Variants in PTPRD observed in about 807,000 individuals in gnomAD.
The protein encoded by PTPRD is protein tyrosine phosphatase receptor type D, also known as receptor-type tyrosine-protein phosphatase delta.
PTPRD carries 34 observed loss-of-function variants against 214.5 expected under a neutral mutation model. The ratio of observed to expected loss-of-function variants is 0.16; its 90% CI spans 0.12 to 0.21. The LOEUF (loss-of-function observed/expected upper bound fraction) is 0.21, where lower values mean the gene tolerates loss of function less well. PTPRD is among the 10% of genes least tolerant of loss of function. The pLI is 1.00. For missense variants in PTPRD, 2,545 were observed against 2,398.7 expected, an observed-to-expected ratio of 1.06 and a Z score of -1.27; for synonymous variants, 1,128 against 845.7, an observed-to-expected ratio of 1.33 and a Z score of -5.79.
chr9:10,465,327 C>T lies in PTPRD; in HGVS notation c.-599-124310G>A, dbSNP rs139658897. On this transcript the variant is annotated intron_variant, in intron 2 of 45. Coordinates refer to ENST00000381196, the MANE Select transcript of PTPRD (RefSeq NM_002839.4). ...AAAGTTCTTTTAGATAACTCCCCTG[C>T]GCAAAAAAGGAGGTGTTCATAACAT... 1.5e-3 allele frequency among the ~76,000 whole-genome samples: 234 copies of T among 151,976 alleles called. 1 individual carries two copies. The highest frequency in any genetic ancestry group is 5.3e-3 in the African/African-American group (218 of 41,478).
chr9:9,610,983 C>T (rs2094482285), intron 7 of PTPRD, among the ~76,000 whole-genome samples: 1 of 152,146 alleles, frequency 6.6e-6, no homozygotes, highest in Non-Finnish European at 1.5e-5. Context: ...AGGCACTCAA[C>T]ACATTGATTG....
At chr9:9,582,572 G>A (rs1207960230) in intron 7 of PTPRD, among the ~76,000 whole-genome samples, 6 of 152,076 alleles carry the variant, frequency 3.9e-5, no homozygotes, top group Middle Eastern at 3.2e-3. Context: ...AGAATAAAAC[G>A]TGGGAGGAAT....
chr9:9,472,865 C>T (rs2094722306), intron 8 of PTPRD, among the ~76,000 whole-genome samples: 1 of 152,124 alleles, frequency 6.6e-6, no homozygotes, highest in Non-Finnish European at 1.5e-5. Context: ...ATTAATTGCA[C>T]AGATTTAAGG....
At chr9:9,200,879 G>T (rs1337896345) in intron 9 of PTPRD, among the ~76,000 whole-genome samples, 1 of 152,128 alleles carries the variant, frequency 6.6e-6, no homozygotes, top group Non-Finnish European at 1.5e-5. Context: ...TCCCCATGTG[G>T]TTTTCCTCTC....
intron 5 of PTPRD, chr9:9,800,697 T>C (rs1030266863): frequency 6.6e-6 from 1 of 152,208 alleles, no homozygotes; most frequent in Non-Finnish European, 1.5e-5. Context: ...TAAATGTATT[T>C]TGACTGATTG....
intron 5 of PTPRD, among the ~76,000 whole-genome samples, chr9:9,840,589 G>C (rs2153634415): frequency 6.6e-6 from 1 of 151,674 alleles, no homozygotes; most frequent in Admixed American, 6.6e-5. Context: ...ACAAAATAGT[G>C]AATCGGAAAG....
intron 5 of PTPRD, among the ~76,000 whole-genome samples, chr9:9,767,403 T>C (rs2098715779): frequency 6.6e-6 from 1 of 152,074 alleles, no homozygotes; most frequent in South Asian, 2.1e-4. Flanking sequence ...GATTTAAATA[T>C]GTTCTAATGA....
At chr9:9,747,789 G>A (rs1390971001) in intron 6 of PTPRD, among the ~76,000 whole-genome samples, 1 of 152,040 alleles carries the variant, frequency 6.6e-6, no homozygotes, top group Non-Finnish European at 1.5e-5. Context: ...CTGACCTCAG[G>A]TGATCTACCT....
At chr9:9,639,172 G>C (rs2095860513) in intron 7 of PTPRD, among the ~76,000 whole-genome samples, 2 of 152,122 alleles carry the variant, frequency 1.3e-5, no homozygotes, top group African/African-American at 4.8e-5. Flanking sequence ...GGGTCTGCAA[G>C]CAACAGCAGC....
At chr9:9,443,461 G>A (rs1201162265) in intron 8 of PTPRD, among the ~76,000 whole-genome samples, 3 of 152,168 alleles carry the variant, frequency 2.0e-5, no homozygotes, top group Admixed American at 1.3e-4. Flanking sequence ...AATCCAGAGT[G>A]GCCTGTAATG....
chr9:8,769,499 T>C (rs532922116), intron 11 of PTPRD, among the ~76,000 whole-genome samples: 8 of 152,188 alleles, frequency 5.3e-5, no homozygotes. Context: ...ACAAAGGCAT[T>C]TGTAGTTGTG....
rs1216633960 is a variant in PTPRD at position 9,168,249 on chromosome 9, T to C, written c.-143+15055A>G. Reference sequence around the variant, plus strand: ...TACAGTAAAAGGTTACTTACCCTTCTTCTAGACAGTTTAGATTGACATAAA... The same window carrying C: ...TACAGTAAAAGGTTACTTACCCTTCCTCTAGACAGTTTAGATTGACATAAA... On this transcript the variant is annotated intron_variant, in intron 10 of 45. Transcript: ENST00000381196. Among the ~76,000 whole-genome samples, 7 of 152,216 alleles carry C rather than the reference T, an allele frequency of 4.6e-5. No homozygotes were observed. In the East Asian group the frequency reaches 1.3e-3, roughly 29 times the overall value.
intron 9 of PTPRD, among the ~76,000 whole-genome samples, chr9:9,298,352 T>C (rs1294739820): frequency 6.6e-6 from 1 of 151,740 alleles, no homozygotes; most frequent in African/African-American, 2.4e-5. Context: ...GGAATGCTTA[T>C]TTCTGATTCT....
At position 8,315,619 on chromosome 9, in the gene PTPRD, C is replaced by G. The variant is rs1200927764; in HGVS notation, c.*2255G>C. ...TCATTCTGAGGTAGCCTTCTAGATA[C>G]TTTTTTTTAGTATTATATATATTTT... On this transcript the variant is annotated 3_prime_UTR_variant, in exon 46 of 46. Coordinates refer to ENST00000381196, the MANE Select transcript of PTPRD (RefSeq NM_002839.4). The G allele has an allele frequency of 4.4e-6, 1 of 228,080 alleles. No homozygotes were observed. Among genetic ancestry groups the G allele is most frequent in the Non-Finnish European group, 8.7e-6 (1 of 114,804 alleles). The allele number at this position is 228,080 out of a possible 1,614,324, so 14.1% of individuals were successfully genotyped here.
chr9:10,248,221 A>C (rs2154367344), intron 3 of PTPRD, among the ~76,000 whole-genome samples: 1 of 152,198 alleles, frequency 6.6e-6, no homozygotes, highest in Middle Eastern at 3.4e-3. Context: ...GGCAAGCAGT[A>C]AGGGTTAAAG....
At chr9:9,338,793 T>C (rs138309242) in intron 9 of PTPRD, among the ~76,000 whole-genome samples, 1 of 152,136 alleles carries the variant, frequency 6.6e-6, no homozygotes, top group African/African-American at 2.4e-5. Flanking sequence ...GCTGCAACCA[T>C]CAACCCATCA....
In PTPRD at chr9:9,117,801, T is replaced by C. The variant is rs56265652; in HGVS notation, c.-143+65503A>G. 5.6e-3 allele frequency among the ~76,000 whole-genome samples: 847 copies of C among 152,066 alleles called. 4 individuals carry two copies. Among genetic ancestry groups the C allele is most frequent in the African/African-American group, 0.01 (432 of 41,508 alleles). On this transcript the variant is annotated intron_variant, in intron 10 of 45. Coordinates refer to ENST00000381196, the MANE Select transcript of PTPRD (RefSeq NM_002839.4). Reference sequence around the variant, plus strand: ...TCATGGGTGGTATTTTTGGAAACAATGAACCTGTCATTTGTCCCATTGCTT... The same window carrying C: ...TCATGGGTGGTATTTTTGGAAACAACGAACCTGTCATTTGTCCCATTGCTT...
At chr9:9,192,623 T>C (rs564544556) in intron 9 of PTPRD, among the ~76,000 whole-genome samples, 14 of 152,192 alleles carry the variant, frequency 9.2e-5, no homozygotes, top group African/African-American at 2.9e-4. Flanking sequence ...ATAAAACAAA[T>C]AGAGAGTCCA....
intron 14 of PTPRD, among the ~76,000 whole-genome samples, chr9:8,533,896 T>C (rs964961261): frequency 1.3e-5 from 2 of 152,026 alleles, no homozygotes; most frequent in African/African-American, 4.8e-5. Context: ...CATTCCTCAA[T>C]GCCACTCACT....
Sources: gnomAD v4.1 joint callset for allele counts (sites outside exome capture counted in the v4.1 genomes callset) on GRCh38, gnomAD v4.1.1 for gene constraint, MANE v1.5 for transcripts, NCBI Gene and HGNC (gene_info 2026-07-23, HGNC 2026-07-21) for gene names.